Variants in SALL4 observed in about 807,000 individuals in gnomAD.
SALL4 encodes sal-like protein 4.
SALL4 carries 4 observed loss-of-function variants against 60.8 expected under a neutral mutation model. The ratio of observed to expected loss-of-function variants is 0.07; its 90% confidence interval spans 0.03 to 0.15. SALL4 has a LOEUF of 0.15. Ranked by LOEUF, SALL4 falls within the 10% of genes least tolerant of loss-of-function variation. The pLI is 1.00. For missense variants in SALL4, 1,178 were observed against 1,394.7 expected (o/e 0.84, Z 2.48); for synonymous variants, 580 against 574.9 (o/e 1.01, Z -0.13).
intron 1 of SALL4, 125 bp from the exon 2 acceptor site, chr20:51,792,477 T>A: frequency 8.2e-7 from 1 of 1,226,200 alleles, no homozygotes; most frequent in Non-Finnish European, 1.2e-6. Context: ...TCACCTGAGG[T>A]TGGGAATTCA....
At chr20:51,785,017 T>G (rs571748865) in intron 3 of SALL4, among the ~76,000 whole-genome samples, 1 of 152,124 alleles carries the variant, frequency 6.6e-6, no homozygotes, top group Non-Finnish European at 1.5e-5. Flanking sequence ...AAACAGCTCA[T>G]GTAGGCCAGG....
At chr20:51,800,496 A>T (rs564959132) in intron 1 of SALL4, among the ~76,000 whole-genome samples, 2 of 152,358 alleles carry the variant, frequency 1.3e-5, no homozygotes, top group Non-Finnish European at 2.9e-5. Flanking sequence ...CGTTAATTTC[A>T]GAAGCCCTCT....
At position 51,788,679 on chromosome 20, in the gene SALL4, CAG is replaced by C. The variant is rs1053100175; in HGVS notation, c.2742+180_2742+181del. Among the ~76,000 whole-genome samples the C allele has an allele frequency of 2.6e-5, 4 of 151,992 alleles. No homozygotes were observed. Among genetic ancestry groups the C allele is most frequent in the Non-Finnish European group, 5.9e-5 (4 of 68,016 alleles). Reference sequence around the variant, plus strand: ...CGCCACTGCACTCCAGTCTGGGCGACAGAGTGAGACTCCGTCTCAAAAATAAA... The same window carrying C: ...CGCCACTGCACTCCAGTCTGGGCGACAGTGAGACTCCGTCTCAAAAATAAA... On this transcript the variant is annotated intron_variant, in intron 3 of 3. Transcript: ENST00000217086. The surrounding 1 kb of genome is among the most constrained non-coding windows in gnomAD (Gnocchi z 4.1).
At chr20:51,792,879 T>G (rs1407738782) in intron 1 of SALL4, 1 of 1,017,588 alleles carries the variant, frequency 9.8e-7, no homozygotes, top group Non-Finnish European at 1.2e-6. Flanking sequence ...TGTTCTCACC[T>G]CCCTGCTGTC....
chr20:51,788,802 C>T lies in SALL4; in HGVS notation c.2742+59G>A. The T allele has an allele frequency of 6.2e-7, 1 of 1,602,124 alleles. No homozygotes were observed. Reference sequence around the variant, plus strand: ...ATGGAAGAACTCATCACGGCTTGTGCCAATAAGAAGACACCTGGTGCCTAG... The same window carrying T: ...ATGGAAGAACTCATCACGGCTTGTGTCAATAAGAAGACACCTGGTGCCTAG... On this transcript the variant is annotated intron_variant, in intron 3 of 3. Coordinates refer to ENST00000217086, the MANE Select transcript of SALL4 (RefSeq NM_020436.5). This position sits in a 1 kb window ranked among gnomAD's most constrained non-coding sequence, Gnocchi z 4.1.
At chr20:51,784,797 A>G (rs2077980789) in intron 3 of SALL4, 113 bp from the exon 4 acceptor site, 2 of 1,229,168 alleles carry the variant, frequency 1.6e-6, no homozygotes, top group Non-Finnish European at 2.4e-6. Flanking sequence ...TAACATATAG[A>G]TGATCCTTGA....
chr20:51,795,678 A>G lies in SALL4; in HGVS notation c.131-3326T>C, dbSNP rs1166600812. Among the ~76,000 whole-genome samples the G allele has an allele frequency of 2.0e-5, 3 of 152,220 alleles. No individual in the cohort carries two copies. The East Asian group carries it at 5.8e-4, about 29-fold the overall frequency. ...ATACACGCTGCTGGTACGAGTGTAT[A>G]GACAGATACAGCTCTTTCAGGGAGT... is the stretch of plus-strand genomic sequence containing the variant. On this transcript the variant is annotated intron_variant, in intron 1 of 3. Coordinates refer to ENST00000217086, the MANE Select transcript of SALL4 (RefSeq NM_020436.5).
At chr20:51,795,065 T>C (rs1201390206) in intron 1 of SALL4, among the ~76,000 whole-genome samples, 2 of 152,140 alleles carry the variant, frequency 1.3e-5, no homozygotes, top group Admixed American at 1.3e-4. Context: ...TGCTGCTACT[T>C]CCAGGTAGAG....
chr20:51,794,634 CAA>C (rs1396450095), intron 1 of SALL4, among the ~76,000 whole-genome samples: 1 of 152,096 alleles, frequency 6.6e-6, no homozygotes, highest in Non-Finnish European at 1.5e-5. Flanking sequence ...TGCAACATAA[CAA>C]AAGTTATTGA....
At position 51,801,924 on chromosome 20, in the gene SALL4, G is replaced by T. The variant is rs1368988854; in HGVS notation, c.130+355C>A. ...GGAGGGGGACCTAAGTTACAAGGGGGGGGGGTAACACCAGTGAGGGGAGTG... is the reference window on the plus strand; with the variant it reads ...GGAGGGGGACCTAAGTTACAAGGGGTGGGGGTAACACCAGTGAGGGGAGTG... On this transcript the variant is annotated intron_variant, in intron 1 of 3. Transcript: ENST00000217086. This position sits in a 1 kb window ranked among gnomAD's most constrained non-coding sequence, Gnocchi z 5.2. Among the ~76,000 whole-genome samples, 9 of 151,732 alleles carry T rather than the reference G, an allele frequency of 5.9e-5. No homozygotes were observed. The highest frequency in any genetic ancestry group is 1.2e-4 in the Non-Finnish European group (8 of 67,904).
In SALL4 at chr20:51,802,294, C is replaced by G; in HGVS notation, c.115G>C (p.Ala39Pro). 6.2e-7 allele frequency: 1 copy of G among 1,606,278 alleles called. No individual in the cohort carries two copies. The highest frequency in any genetic ancestry group is 8.5e-7 in the Non-Finnish European group (1 of 1,177,500). Reference sequence around the variant, plus strand: ...CCCCACTCACCCAGCTCCCCCGCCGCGGGCGCCGCTGGGGCCGCATCTGCA... The same window carrying G: ...CCCCACTCACCCAGCTCCCCCGCCGGGGGCGCCGCTGGGGCCGCATCTGCA... ...EFADAAPAAP[A>P]AGELGAPVNH... Residue 39 changes from alanine to proline, a missense_variant, in exon 1 of 4, where the codon GCG becomes CCG. By Grantham distance (27) the Ala-to-Pro change is conservative (BLOSUM62 -1). Coordinates refer to ENST00000217086, the MANE Select transcript of SALL4 (RefSeq NM_020436.5).
At chr20:51,795,995 G>A (rs1334744311) in intron 1 of SALL4, among the ~76,000 whole-genome samples, 2 of 152,038 alleles carry the variant, frequency 1.3e-5, no homozygotes, top group Non-Finnish European at 2.9e-5. Flanking sequence ...AGGAGTTTGA[G>A]ACCAGCCTGG....
intron 1 of SALL4, chr20:51,793,082 C>T (rs2078059416): frequency 3.3e-6 from 2 of 611,022 alleles, no homozygotes; most frequent in Non-Finnish European, 4.1e-6. Context: ...TTTTGGCCCA[C>T]CCACCCATAG....
At chr20:51,796,527 T>A (rs1438032184) in intron 1 of SALL4, among the ~76,000 whole-genome samples, 1 of 152,188 alleles carries the variant, frequency 6.6e-6, no homozygotes, top group Non-Finnish European at 1.5e-5. Context: ...TAATCCTTCT[T>A]CCAATGTGGA....
chr20:51,799,962 T>C (rs2078100039), intron 1 of SALL4, among the ~76,000 whole-genome samples: 1 of 152,214 alleles, frequency 6.6e-6, no homozygotes, highest in South Asian at 2.1e-4. Flanking sequence ...CTAAGTTAGA[T>C]ATGTATGTCT....
rs1276240392 is a variant in SALL4 at position 51,788,847 on chromosome 20, C to T, written c.2742+14G>A. On this transcript the variant is annotated intron_variant, in intron 3 of 3. Coordinates refer to ENST00000217086, the MANE Select transcript of SALL4 (RefSeq NM_020436.5). The surrounding 1 kb of genome is among the most constrained non-coding windows in gnomAD (Gnocchi z 4.1). ...GCCTAGCCCCCATCCTGCTGAAAGC[C>T]CACACAAACCCACCTTTAAGTTGCC... 1.9e-6 allele frequency: 3 copies of T among 1,613,598 alleles called. No individual in the cohort carries two copies. Among genetic ancestry groups the T allele is most frequent in the Non-Finnish European group, 2.5e-6 (3 of 1,180,042 alleles).
In SALL4 at chr20:51,791,534, G is replaced by T; in HGVS notation, c.949C>A (p.Pro317Thr). Residue 317 changes from proline (P) to threonine (T), a missense_variant, in exon 2 of 4, where the codon CCG becomes ACG. Coordinates refer to ENST00000217086, the MANE Select transcript of SALL4 (RefSeq NM_020436.5). The surrounding 1 kb of genome is among the most constrained non-coding windows in gnomAD (Gnocchi z 4.6). ...SPGLAPFTLK[P>T]DGTRVLPNVM... ...TTCGGGAGCACCCGGGTCCCATCCG[G>T]CTTCAGAGTGAAGGGTGCCAGCCCT... The T allele has an allele frequency of 6.2e-7, 1 of 1,613,916 alleles. No individual in the cohort carries two copies. Among genetic ancestry groups the T allele is most frequent in the Non-Finnish European group, 8.5e-7 (1 of 1,180,046 alleles).
chr20:51,793,470 A>G (rs369994627), intron 1 of SALL4, among the ~76,000 whole-genome samples: 143 of 152,256 alleles, frequency 9.4e-4, no homozygotes, highest in African/African-American at 3.3e-3. Context: ...GGAAAAAAAA[A>G]GTACAAATGC....
chr20:51,788,845 G>A lies in SALL4; in HGVS notation c.2742+16C>T, dbSNP rs376509949. The stretch of plus-strand genomic sequence containing the variant: ...GTGCCTAGCCCCCATCCTGCTGAAA[G>A]CCCACACAAACCCACCTTTAAGTTG... On this transcript the variant is annotated intron_variant, in intron 3 of 3. Transcript: ENST00000217086. The surrounding 1 kb of genome is among the most constrained non-coding windows in gnomAD (Gnocchi z 4.1). The A allele has an allele frequency of 3.5e-5, 56 of 1,613,452 alleles. No homozygotes were observed. Among genetic ancestry groups the A allele is most frequent in the Middle Eastern group, 1.7e-4 (1 of 6,032 alleles).
Sources: gnomAD v4.1 joint callset for allele counts (sites outside exome capture counted in the v4.1 genomes callset) on GRCh38, gnomAD v4.1.1 for gene constraint, Gnocchi (gnomAD v3.1) non-coding constraint, MANE v1.5 for transcripts, NCBI Gene and HGNC (gene_info 2026-07-23, HGNC 2026-07-21) for gene names.